The following SESN3 variants were observed in gnomAD, a reference collection of about 807,000 sequenced individuals.
The protein encoded by SESN3 is sestrin-3.
SESN3 carries 21 observed loss-of-function variants against 55.3 expected under a neutral mutation model. The ratio of observed to expected loss-of-function variants is 0.38; its 90% CI spans 0.27 to 0.55. The LOEUF (loss-of-function observed/expected upper bound fraction) is 0.55. Ranked by LOEUF, SESN3 falls within the 20% of genes least tolerant of loss-of-function variation. The pLI is 0.76. For missense variants in SESN3, 408 were observed against 604.3 expected, an observed-to-expected ratio of 0.68 and a Z score of 3.41; for synonymous variants, 181 against 203.1, an observed-to-expected ratio of 0.89 and a Z score of 0.93.
At position 95,165,897 on chromosome 11, in the gene SESN3, A is replaced by G. The variant is rs1859737785; in HGVS notation, c.*7358T>C. ...AACTGTAAAATCAGCAAACATAAGA[A>G]AAACAAAACCTAGTAATACATACAA... On this transcript the variant is annotated 3_prime_UTR_variant, in exon 10 of 10. Transcript: ENST00000536441. 6.6e-6 allele frequency: 1 copy of G among 152,190 alleles called. No individual in the cohort carries two copies. Among genetic ancestry groups the G allele is most frequent in the Non-Finnish European group, 1.5e-5 (1 of 68,024 alleles). 9.4% of individuals were successfully genotyped at this position (152,190 alleles called of 1,614,324 possible). A position where few individuals can be genotyped will look rare whatever the true frequency, so the allele number is the denominator to read the frequency against.
At chr11:95,231,267 A>C, upstream of SESN3, 2 of 390,774 alleles carry the variant, frequency 5.1e-6, no homozygotes, top group Non-Finnish European at 9.1e-6. Flanking sequence ...CCTCCCGCCA[A>C]TCGGACAGCT....
At position 95,166,285 on chromosome 11, in the gene SESN3, A is replaced by C. The variant is rs1056878910; in HGVS notation, c.*6970T>G. ...TTCGTAAAAAAAAAAAAAAAATTAC[A>C]GTAACAAAGCACAGGACTACAAAGG... On this transcript the variant is annotated 3_prime_UTR_variant, in exon 10 of 10. Transcript: ENST00000536441. 5.9e-5 allele frequency: 9 copies of C among 152,044 alleles called. No individual in the cohort carries two copies. Among genetic ancestry groups the C allele is most frequent in the Non-Finnish European group, 1.2e-4 (8 of 67,998 alleles). 9.4% of individuals were successfully genotyped at this position (152,044 alleles called of 1,614,324 possible).
chr11:95,209,880 G>T (rs1365592135), intron 1 of SESN3, among the ~76,000 whole-genome samples: 1 of 150,518 alleles, frequency 6.6e-6, no homozygotes, highest in Non-Finnish European at 1.5e-5. Context: ...AGCCGGGTGT[G>T]GTGGTGTGCA....
At position 95,200,160 on chromosome 11, in the gene SESN3, C is replaced by G. The variant is rs576341981; in HGVS notation, c.79-6638G>C. Among the ~76,000 whole-genome samples the G allele has an allele frequency of 2.0e-5, 3 of 152,100 alleles. No individual in the cohort carries two copies. The South Asian group carries it at 6.2e-4, about 32-fold the overall frequency. On this transcript the variant is annotated intron_variant, in intron 1 of 9. Transcript: ENST00000536441. ...TTTGGCAGAAACACTGCAACAACAA[C>G]AACGACAAAAAAGTAGGTATAAACA...
At position 95,173,442 on chromosome 11, in the gene SESN3, C is replaced by T. The variant is rs978878405; in HGVS notation, c.1393-101G>A. On this transcript the variant is annotated intron_variant, in intron 9 of 9. Coordinates refer to ENST00000536441, the MANE Select transcript of SESN3 (RefSeq NM_144665.4). ...TTTTTATGTGTATATAAGCAATATA[C>T]ACACACACACACACCTAGGCATATT... 38 of 420,596 alleles carry T rather than the reference C, an allele frequency of 9.0e-5. 1 individual carries two copies. Among genetic ancestry groups the T allele is most frequent in the East Asian group, 4.2e-4 (11 of 26,372 alleles). 26.1% of individuals were successfully genotyped at this position (420,596 alleles called of 1,614,324 possible).
intron 1 of SESN3, among the ~76,000 whole-genome samples, chr11:95,204,556 G>T (rs1301035792): frequency 2.0e-5 from 3 of 152,048 alleles, no homozygotes; most frequent in African/African-American, 7.2e-5. Context: ...CCTTTGGAAG[G>T]TAATTAGGTC....
At chr11:95,229,518 A>AG (rs1394979758) in intron 1 of SESN3, among the ~76,000 whole-genome samples, 1 of 140,126 alleles carries the variant, frequency 7.1e-6, no homozygotes, top group African/African-American at 2.5e-5. Flanking sequence ...TAAAATAGGA[A>AG]GAAAAAAAAA....
chr11:95,194,270 T>TC (rs1315236277), intron 1 of SESN3, among the ~76,000 whole-genome samples: 2 of 151,992 alleles, frequency 1.3e-5, no homozygotes, highest in South Asian at 2.1e-4. Flanking sequence ...CCTCCCTTTC[T>TC]CCCCCCATTA....
At chr11:95,200,681 T>C (rs2134244316) in intron 1 of SESN3, among the ~76,000 whole-genome samples, 1 of 152,018 alleles carries the variant, frequency 6.6e-6, no homozygotes, top group Admixed American at 6.6e-5. Context: ...ACTTTAAGAG[T>C]GAACTCCTTT....
chr11:95,205,718 T>C (rs915399666), intron 1 of SESN3, among the ~76,000 whole-genome samples: 8 of 152,214 alleles, frequency 5.3e-5, no homozygotes, highest in Non-Finnish European at 1.2e-4. Context: ...AAGTGTTTCA[T>C]TATTTTAATT....
intron 1 of SESN3, among the ~76,000 whole-genome samples, chr11:95,213,398 GA>G (rs1452954760): frequency 6.6e-6 from 1 of 152,132 alleles, no homozygotes; most frequent in Admixed American, 6.5e-5. Context: ...CTTTACAAAG[GA>G]AAAAGACAAA....
intron 6 of SESN3, among the ~76,000 whole-genome samples, chr11:95,180,565 C>T (rs1860042014): frequency 6.6e-6 from 1 of 152,110 alleles, no homozygotes; most frequent in African/African-American, 2.4e-5. Flanking sequence ...TACTATACTA[C>T]ACACTTACTA....
chr11:95,215,886 C>T (rs1033872740), intron 1 of SESN3, among the ~76,000 whole-genome samples: 2 of 152,020 alleles, frequency 1.3e-5, no homozygotes, highest in South Asian at 4.2e-4. Context: ...ATCACGAGGT[C>T]AGGAGATCGA....
chr11:95,216,929 A>C (rs1860769344), intron 1 of SESN3, among the ~76,000 whole-genome samples: 1 of 151,784 alleles, frequency 6.6e-6, no homozygotes, highest in African/African-American at 2.4e-5. Flanking sequence ...AATATGGTGA[A>C]ACCCTGTCTC....
At position 95,226,604 on chromosome 11, in the gene SESN3, T is replaced by C. The variant is rs867450544; in HGVS notation, c.78+4179A>G. Among the ~76,000 whole-genome samples the C allele has an allele frequency of 2.0e-4, 31 of 152,354 alleles. No individual in the cohort carries two copies. In the Middle Eastern group the frequency reaches 0.01, roughly 50 times the overall value. On this transcript the variant is annotated intron_variant, in intron 1 of 9. Coordinates refer to ENST00000536441, the MANE Select transcript of SESN3 (RefSeq NM_144665.4). ...AGTAAACATTTAACTTAAGTAAATA[T>C]GGAAGGAATTCTTTTTAAAAAGCCA... is the stretch of plus-strand genomic sequence containing the variant.
At chr11:95,182,803 C>T (rs1860081131) in intron 6 of SESN3, among the ~76,000 whole-genome samples, 1 of 152,180 alleles carries the variant, frequency 6.6e-6, no homozygotes, top group South Asian at 2.1e-4. Context: ...GTCCTAACAA[C>T]ACAGAACCAC....
intron 6 of SESN3, among the ~76,000 whole-genome samples, chr11:95,181,357 C>A (rs1399600870): frequency 1.3e-5 from 2 of 152,046 alleles, no homozygotes; most frequent in African/African-American, 2.4e-5. Flanking sequence ...GTTTCCTAGA[C>A]AATTTTTATT....
At chr11:95,202,804 T>C (rs1006724780) in intron 1 of SESN3, among the ~76,000 whole-genome samples, 1 of 152,050 alleles carries the variant, frequency 6.6e-6, no homozygotes, top group Non-Finnish European at 1.5e-5. Context: ...TTATAAGATC[T>C]GGTCCCAAAA....
At chr11:95,216,076 C>T (rs1017082133) in intron 1 of SESN3, among the ~76,000 whole-genome samples, 29 of 114,244 alleles carry the variant, frequency 2.5e-4, no homozygotes, top group Admixed American at 6.2e-4. Flanking sequence ...CCAGCCTGGG[C>T]AACAGAGAGA....
Sources: gnomAD v4.1 joint callset for allele counts (sites outside exome capture counted in the v4.1 genomes callset) on GRCh38, gnomAD v4.1.1 for gene constraint, MANE v1.5 for transcripts, NCBI Gene and HGNC (gene_info 2026-07-23, HGNC 2026-07-21) for gene names.